The following KLHL29 variants were observed in gnomAD, a reference collection of about 807,000 sequenced individuals.
KLHL29 encodes the protein kelch like family member 29.
A neutral mutation model predicts 80.4 loss-of-function variants in KLHL29; 21 were observed. The observed-to-expected ratio is 0.26, with a 90% CI of 0.19 to 0.38. The LOEUF (loss-of-function observed/expected upper bound fraction) is 0.38, where lower values mean the gene tolerates loss of function less well. KLHL29 is among the 10% of genes least tolerant of loss of function. The probability of loss-of-function intolerance (pLI) is 1.00; values close to 1 mark genes in which losing one functional copy is unlikely to be tolerated. For missense variants in KLHL29, 867 were observed against 1,223.9 expected (o/e 0.71, Z 4.35); for synonymous variants, 511 against 526.8 (o/e 0.97, Z 0.41).
At chr2:23,541,491 T>C (rs999536585) in intron 2 of KLHL29, among the ~76,000 whole-genome samples, 3 of 152,224 alleles carry the variant, frequency 2.0e-5, no homozygotes, top group Non-Finnish European at 2.9e-5. Context: ...GCCAAATCCA[T>C]CTCTGCCAGC....
At chr2:23,479,915 A>G (rs1469348630) in intron 2 of KLHL29, among the ~76,000 whole-genome samples, 1 of 152,186 alleles carries the variant, frequency 6.6e-6, no homozygotes, top group African/African-American at 2.4e-5. Context: ...TATTTTATTC[A>G]GTTCAGAGAT....
At chr2:23,484,159 A>G (rs949949395) in intron 2 of KLHL29, among the ~76,000 whole-genome samples, 10 of 152,210 alleles carry the variant, frequency 6.6e-5, no homozygotes, top group Non-Finnish European at 1.5e-4. Flanking sequence ...CAGAATGACC[A>G]TCGCAGGCTG....
At chr2:23,636,597 G>T in intron 3 of KLHL29, among the ~76,000 whole-genome samples, 1 of 152,208 alleles carries the variant, frequency 6.6e-6, no homozygotes, top group African/African-American at 2.4e-5. Flanking sequence ...CATATATTGA[G>T]TCCTCCCACT....
chr2:23,543,733 A>C (rs74718322), intron 2 of KLHL29, among the ~76,000 whole-genome samples: 2,668 of 152,272 alleles, frequency 0.018, 39 homozygotes, highest in Non-Finnish European at 0.031. Context: ...CCTCCTCGGG[A>C]GCAGTTGTGT....
chr2:23,517,272 C>T (rs564469999), intron 2 of KLHL29, among the ~76,000 whole-genome samples: 9 of 152,346 alleles, frequency 5.9e-5, no homozygotes, highest in Non-Finnish European at 1.0e-4. Context: ...AGGCTGGGCG[C>T]GGTGGCTCAC....
chr2:23,423,090 C>T (rs1024804415), intron 1 of KLHL29, among the ~76,000 whole-genome samples: 4 of 152,242 alleles, frequency 2.6e-5, no homozygotes, highest in East Asian at 1.9e-4. Context: ...GGCGGGGAGC[C>T]GCAGGCCTCA....
chr2:23,436,379 C>T (rs1035864942), intron 1 of KLHL29, among the ~76,000 whole-genome samples: 1 of 149,662 alleles, frequency 6.7e-6, no homozygotes, highest in Non-Finnish European at 1.5e-5. Flanking sequence ...GCTGGAGTTG[C>T]AAAGCCATCT....
At chr2:23,389,235 A>G (rs1666260769) in intron 1 of KLHL29, among the ~76,000 whole-genome samples, 1 of 152,154 alleles carries the variant, frequency 6.6e-6, no homozygotes, top group African/African-American at 2.4e-5. Context: ...TCCACTGAAC[A>G]GGCAGTTTTA....
At chr2:23,495,633 C>T (rs1665240463) in intron 2 of KLHL29, among the ~76,000 whole-genome samples, 1 of 152,162 alleles carries the variant, frequency 6.6e-6, no homozygotes, top group African/African-American at 2.4e-5. Context: ...GCTTTGGGGT[C>T]AAGCCTGCAC....
intron 2 of KLHL29, among the ~76,000 whole-genome samples, chr2:23,486,509 G>A (rs1286024091): frequency 2.0e-5 from 3 of 152,140 alleles, no homozygotes; most frequent in Admixed American, 2.0e-4. Context: ...TAGAAGTGAC[G>A]CTCTGGATGG....
At chr2:23,688,605 G>C (rs2551345) in intron 6 of KLHL29, among the ~76,000 whole-genome samples, 152,019 of 152,088 alleles carry the variant, frequency 1, 75,975 homozygotes, top group Non-Finnish European at 1. Flanking sequence ...GCACCCCCAC[G>C]CCCAGAAGTA....
In KLHL29 at chr2:23,472,495, A is replaced by G. The variant is rs372815528; in HGVS notation, c.-153-3065A>G. On this transcript the variant is annotated intron_variant, in intron 1 of 13. Coordinates refer to ENST00000486442, the MANE Select transcript of KLHL29 (RefSeq NM_052920.2). ...CTAAAAATACAAAAATTAGCCGGGC[A>G]TGGCGGCGTGTGCCTGTAGTCCCAG... Among the ~76,000 whole-genome samples, 55 of 152,302 alleles carry G rather than the reference A, an allele frequency of 3.6e-4. No individual in the cohort carries two copies. The East Asian group carries it at 4.4e-3, about 12-fold the overall frequency.
chr2:23,585,253 G>A (rs1668090018), intron 3 of KLHL29, among the ~76,000 whole-genome samples: 1 of 152,220 alleles, frequency 6.6e-6, no homozygotes, highest in Non-Finnish European at 1.5e-5. Flanking sequence ...GCTGAAATCG[G>A]TATAAGAAAG....
chr2:23,579,460 G>A (rs1030494285), intron 3 of KLHL29, among the ~76,000 whole-genome samples: 1 of 152,076 alleles, frequency 6.6e-6, no homozygotes, highest in Admixed American at 6.6e-5. Flanking sequence ...GCCTGGCTCA[G>A]GGCTCAGGTT....
chr2:23,656,932 GA>G (rs58320389), intron 5 of KLHL29, among the ~76,000 whole-genome samples: 34,015 of 110,096 alleles, frequency 0.31, 4,235 homozygotes, highest in East Asian at 0.44. Context: ...TCCCCAACAG[GA>G]AAAAAAAAAA....
In KLHL29 at chr2:23,708,128, A is replaced by G. The variant is rs1672838078; in HGVS notation, c.*1464A>G. On this transcript the variant is annotated 3_prime_UTR_variant, in exon 14 of 14. Coordinates refer to ENST00000486442, the MANE Select transcript of KLHL29 (RefSeq NM_052920.2). ...GAGAAAAAGACAGGACACGCTTTCC[A>G]TCGTTCAGTATTTGATGACACAAAA... 6.6e-6 allele frequency: 1 copy of G among 152,266 alleles called. No individual in the cohort carries two copies. Among genetic ancestry groups the G allele is most frequent in the Non-Finnish European group, 1.5e-5 (1 of 68,048 alleles). The allele number at this position is 152,266 out of a possible 1,614,324, so 9.4% of individuals were successfully genotyped here.
At chr2:23,387,703 A>T (rs1354853131) in intron 1 of KLHL29, among the ~76,000 whole-genome samples, 1 of 152,142 alleles carries the variant, frequency 6.6e-6, no homozygotes, top group Non-Finnish European at 1.5e-5. Context: ...TTAGTCCATA[A>T]TCTAGGTGTT....
In KLHL29 at chr2:23,522,530, A is replaced by G. The variant is rs1572375366; in HGVS notation, c.-45-39622A>G. 3.9e-5 allele frequency among the ~76,000 whole-genome samples: 6 copies of G among 152,022 alleles called. No individual in the cohort carries two copies. The South Asian group carries it at 1.2e-3, about 32-fold the overall frequency. On this transcript the variant is annotated intron_variant, in intron 2 of 13. Coordinates refer to ENST00000486442, the MANE Select transcript of KLHL29 (RefSeq NM_052920.2). ...GATGCTTGTTCTTATTTCTGGGCAG[A>G]TGGAAGACCTTTTACCTTTTTGAAA...
At chr2:23,507,142 A>G (rs1398982888) in intron 2 of KLHL29, 1 of 436,636 alleles carries the variant, frequency 2.3e-6, no homozygotes, top group Non-Finnish European at 4.9e-6. Flanking sequence ...GGGTGTGCCC[A>G]GCTGTTGGTG....
Sources: gnomAD v4.1 joint callset for allele counts (sites outside exome capture counted in the v4.1 genomes callset) on GRCh38, gnomAD v4.1.1 for gene constraint, MANE v1.5 for transcripts, NCBI Gene and HGNC (gene_info 2026-07-23, HGNC 2026-07-21) for gene names.